Variants in RAD18 observed in about 807,000 individuals in gnomAD.
The protein encoded by RAD18 is RAD18 E3 ubiquitin protein ligase.
A neutral mutation model predicts 60.4 loss-of-function variants in RAD18; 47 were observed. The ratio of observed to expected loss-of-function variants is 0.78; its 90% CI spans 0.62 to 0.99. The LOEUF is 0.99. Among genes scored for constraint, RAD18 ranks in the 50% least tolerant of loss-of-function variants. RAD18 has a pLI of 0.00. For missense variants in RAD18, 640 were observed against 593.3 expected (o/e 1.08, Z -0.82); for synonymous variants, 225 against 195.5 (o/e 1.15, Z -1.26).
chr3:8,923,285 G>A (rs887434535), intron 7 of RAD18, among the ~76,000 whole-genome samples: 16 of 152,172 alleles, frequency 1.1e-4, no homozygotes, highest in Non-Finnish European at 1.8e-4. Flanking sequence ...CTCAGTAGCC[G>A]ATTCGATCAA....
At chr3:8,930,354 T>C (rs1274800036) in intron 7 of RAD18, among the ~76,000 whole-genome samples, 2 of 152,202 alleles carry the variant, frequency 1.3e-5, no homozygotes, top group African/African-American at 4.8e-5. Flanking sequence ...ATATCCAGAA[T>C]AGACAACTCT....
At chr3:8,921,612 C>G (rs1322297895) in intron 7 of RAD18, among the ~76,000 whole-genome samples, 1 of 152,042 alleles carries the variant, frequency 6.6e-6, no homozygotes, top group Non-Finnish European at 1.5e-5. Context: ...TGCACTCCAA[C>G]CTGGGTGACA....
chr3:8,950,800 G>C (rs1239186954), intron 2 of RAD18, among the ~76,000 whole-genome samples: 1 of 152,158 alleles, frequency 6.6e-6, no homozygotes, highest in Non-Finnish European at 1.5e-5. Flanking sequence ...GAACAGATGG[G>C]AACATAAGCA....
At chr3:8,927,817 G>C (rs1219254968) in intron 7 of RAD18, among the ~76,000 whole-genome samples, 1 of 151,434 alleles carries the variant, frequency 6.6e-6, no homozygotes, top group Non-Finnish European at 1.5e-5. Flanking sequence ...AGGACAGAAA[G>C]CCAAACACCG....
Position 8,881,010 on chromosome 3 carries a change from G to A in RAD18, c.*347C>T. 1 of 183,720 alleles carries A rather than the reference G, an allele frequency of 5.4e-6. No individual in the cohort carries two copies. Among genetic ancestry groups the A allele is most frequent in the Non-Finnish European group, 1.1e-5 (1 of 88,248 alleles). The allele number at this position is 183,720 out of a possible 1,614,324, so 11.4% of individuals were successfully genotyped here. ...CTGGATTCTCCATGGAAGAGAAGGA[G>A]AATGGCCTAAGGACATTCTGAAATT... On this transcript the variant is annotated 3_prime_UTR_variant, in exon 13 of 13. Coordinates refer to ENST00000264926, the MANE Select transcript of RAD18 (RefSeq NM_020165.4).
rs756849157 is a variant in RAD18, at chr3:8,912,402, A to AT, written c.967-31_967-30insA. 46 of 1,428,830 alleles carry AT rather than the reference A, an allele frequency of 3.2e-5. No homozygotes were observed. The East Asian group carries it at 1.1e-3, about 34-fold the overall frequency. 88.5% of individuals were successfully genotyped at this position (1,428,830 alleles called of 1,614,324 possible). On this transcript the variant is annotated intron_variant, in intron 8 of 12. Coordinates refer to ENST00000264926, the MANE Select transcript of RAD18 (RefSeq NM_020165.4). ...AATAATCAAAAAAAGACCTTAATAAAAATCTCCCCAAAATGACAAAAAGGG... is the reference window on the plus strand; with the variant it reads ...AATAATCAAAAAAAGACCTTAATAAATAATCTCCCCAAAATGACAAAAAGGG...
intron 9 of RAD18, 135 bp downstream of exon 9, chr3:8,912,177 A>T (rs1019095774): frequency 7.1e-6 from 5 of 701,318 alleles, no homozygotes; most frequent in Non-Finnish European, 9.1e-6. Context: ...ACACCCAATT[A>T]AAATTCAATC....
intron 1 of RAD18, among the ~76,000 whole-genome samples, chr3:8,960,535 C>T (rs138820437): frequency 6.6e-6 from 1 of 152,248 alleles, no homozygotes; most frequent in Non-Finnish European, 1.5e-5. Flanking sequence ...AAATATTATG[C>T]AGCCATTAAA....
chr3:8,952,923 C>T (rs936515112), intron 2 of RAD18, among the ~76,000 whole-genome samples: 1 of 152,004 alleles, frequency 6.6e-6, no homozygotes, highest in African/African-American at 2.4e-5. Flanking sequence ...CCCGATAAAC[C>T]CATCATAAAT....
At chr3:8,951,101 C>T (rs1574827095) in intron 2 of RAD18, among the ~76,000 whole-genome samples, 2 of 152,238 alleles carry the variant, frequency 1.3e-5, no homozygotes, top group South Asian at 2.1e-4. Context: ...ATAATAATGG[C>T]TAAGAATTTC....
At chr3:8,941,413 T>A in intron 5 of RAD18, 54 bp downstream of exon 5, 1 of 1,416,438 alleles carries the variant, frequency 7.1e-7, no homozygotes, top group Non-Finnish European at 9.6e-7. Flanking sequence ...TTTATTCTTA[T>A]GTCATGTGGA....
At chr3:8,951,978 C>T (rs1341474551) in intron 2 of RAD18, among the ~76,000 whole-genome samples, 3 of 152,156 alleles carry the variant, frequency 2.0e-5, no homozygotes, top group African/African-American at 7.2e-5. Flanking sequence ...TCTTCTCATA[C>T]GGACACTAAT....
At chr3:8,903,807 ATT>A (rs947980553) in intron 9 of RAD18, among the ~76,000 whole-genome samples, 2 of 152,216 alleles carry the variant, frequency 1.3e-5, no homozygotes, top group Non-Finnish European at 2.9e-5. Flanking sequence ...TTAAAACAAA[ATT>A]TTGACACTGT....
chr3:8,915,904 C>T (rs1345614090), intron 7 of RAD18, among the ~76,000 whole-genome samples: 1 of 152,132 alleles, frequency 6.6e-6, no homozygotes, highest in Admixed American at 6.5e-5. Context: ...TTTCTACAGA[C>T]CTCAGTGGGC....
chr3:8,920,647 C>T (rs1362829593), intron 7 of RAD18, among the ~76,000 whole-genome samples: 1 of 125,638 alleles, frequency 8.0e-6, no homozygotes, highest in Non-Finnish European at 1.8e-5. Flanking sequence ...TGTAATATTC[C>T]GAAGACAAAA....
intron 7 of RAD18, among the ~76,000 whole-genome samples, chr3:8,934,719 T>C (rs191879768): frequency 6.6e-6 from 1 of 152,312 alleles, no homozygotes; most frequent in Non-Finnish European, 1.5e-5. Context: ...TTCCTGTATA[T>C]ATATATCCAA....
intron 11 of RAD18, among the ~76,000 whole-genome samples, chr3:8,892,207 C>T (rs936905636): frequency 6.6e-6 from 1 of 152,102 alleles, no homozygotes; most frequent in Admixed American, 6.5e-5. Context: ...AAGTCTAGAA[C>T]GAGGAACTTT....
rs575954021 is a variant in RAD18, at chr3:8,909,984, A to G, written c.1027+2328T>C. ...CTGGCAAATGTATTCTACCAAAACA[A>G]GGCAAGAGAAGAGGGAGACTTGGAA... On this transcript the variant is annotated intron_variant, in intron 9 of 12. Transcript: ENST00000264926. Among the ~76,000 whole-genome samples the G allele has an allele frequency of 3.3e-5, 5 of 152,358 alleles. No homozygotes were observed. In the South Asian group the frequency reaches 1.0e-3, roughly 32 times the overall value.
At chr3:8,931,890 A>G (rs1940565708) in intron 7 of RAD18, among the ~76,000 whole-genome samples, 1 of 152,268 alleles carries the variant, frequency 6.6e-6, no homozygotes. Flanking sequence ...AAGTAATTCA[A>G]TGGGGAAAGG....
Sources: gnomAD v4.1 joint callset for allele counts (sites outside exome capture counted in the v4.1 genomes callset) on GRCh38, gnomAD v4.1.1 for gene constraint, MANE v1.5 for transcripts, NCBI Gene and HGNC (gene_info 2026-07-23, HGNC 2026-07-21) for gene names.